The following KITLG variants were observed in gnomAD, a reference collection of about 807,000 sequenced individuals.
KITLG encodes the protein KIT ligand.
Under a neutral mutation model 34.1 loss-of-function variants are expected in KITLG, and 13 were observed. The ratio of observed to expected loss-of-function variants is 0.38; its 90% CI spans 0.25 to 0.61. KITLG has a LOEUF of 0.61. Among genes scored for constraint, KITLG ranks in the 20% least tolerant of loss-of-function variants. KITLG has a pLI of 0.60. For missense variants in KITLG, 292 were observed against 318.9 expected, an observed-to-expected ratio of 0.92 and a Z score of 0.64; for synonymous variants, 110 against 104.0, an observed-to-expected ratio of 1.06 and a Z score of -0.35.
intron 9 of KITLG, among the ~76,000 whole-genome samples, chr12:88,502,792 A>G (rs1030892724): frequency 2.0e-5 from 3 of 152,180 alleles, no homozygotes; most frequent in Non-Finnish European, 2.9e-5. Context: ...AAACCAAACA[A>G]CAGAGGACAT....
chr12:88,554,983 A>G (rs1436388269), intron 1 of KITLG, among the ~76,000 whole-genome samples: 1 of 152,192 alleles, frequency 6.6e-6, no homozygotes, highest in Non-Finnish European at 1.5e-5. Flanking sequence ...TTGTAAAGAT[A>G]CTCTTCTAAC....
At chr12:88,524,090 G>C (rs1566023224) in intron 3 of KITLG, among the ~76,000 whole-genome samples, 1 of 152,274 alleles carries the variant, frequency 6.6e-6, no homozygotes, top group East Asian at 1.9e-4. Flanking sequence ...AATTCACTTT[G>C]TGATTTCAGG....
chr12:88,567,107 C>G (rs1204729361), intron 1 of KITLG, among the ~76,000 whole-genome samples: 1 of 152,146 alleles, frequency 6.6e-6, no homozygotes, highest in Non-Finnish European at 1.5e-5. Flanking sequence ...CTACTACATT[C>G]TCCTTTAGGC....
chr12:88,506,524 T>TA (rs755003472), intron 7 of KITLG, 146 bp from the exon 8 acceptor site: 24 of 675,466 alleles, frequency 3.6e-5, no homozygotes, highest in Non-Finnish European at 6.1e-5. Context: ...ATCTTTGTAA[T>TA]AAAAAATTAT....
At chr12:88,545,604 A>C (rs1870692292) in intron 2 of KITLG, 148 bp downstream of exon 2, 2 of 606,100 alleles carry the variant, frequency 3.3e-6, no homozygotes, top group Non-Finnish European at 5.8e-6. Context: ...GCTTTCTATA[A>C]ACCCTTTATT....
At chr12:88,538,709 G>A (rs908851022) in intron 2 of KITLG, among the ~76,000 whole-genome samples, 37 of 152,052 alleles carry the variant, frequency 2.4e-4, no homozygotes, top group Non-Finnish European at 1.8e-4. Context: ...AAGTGGATAA[G>A]TAACCAAGGC....
intron 1 of KITLG, among the ~76,000 whole-genome samples, chr12:88,578,021 G>A (rs1412235973): frequency 5.3e-5 from 8 of 152,070 alleles, no homozygotes; most frequent in African/African-American, 1.9e-4. Context: ...ATTCTTCCCT[G>A]GTGAGGATAA....
At chr12:88,510,005 C>G (rs977340872) in intron 6 of KITLG, among the ~76,000 whole-genome samples, 1 of 152,132 alleles carries the variant, frequency 6.6e-6, no homozygotes, top group Non-Finnish European at 1.5e-5. Context: ...GGAGAGGAAG[C>G]TCATCTGGGC....
chr12:88,530,811 C>T (rs1030112592), intron 3 of KITLG, among the ~76,000 whole-genome samples: 2 of 152,112 alleles, frequency 1.3e-5, no homozygotes, highest in Non-Finnish European at 2.9e-5. Context: ...TGCTAAAATG[C>T]TTACTAATAA....
chr12:88,535,022 T>A (rs1246524251), intron 2 of KITLG, among the ~76,000 whole-genome samples: 5 of 152,120 alleles, frequency 3.3e-5, no homozygotes, highest in Non-Finnish European at 7.3e-5. Flanking sequence ...CACAAGCTGC[T>A]TAACAATCCA....
intron 3 of KITLG, 121 bp from the exon 4 acceptor site, chr12:88,518,988 G>A (rs934505366): frequency 4.7e-6 from 4 of 849,782 alleles, no homozygotes; most frequent in East Asian, 2.7e-5. Flanking sequence ...TCAGCCTCTC[G>A]AGTAGCTCAG....
intron 6 of KITLG, among the ~76,000 whole-genome samples, chr12:88,512,171 T>G (rs1184752939): frequency 6.6e-6 from 1 of 152,082 alleles, no homozygotes; most frequent in Admixed American, 6.6e-5. Context: ...ATAATGAGTA[T>G]GCAGATGGAA....
At chr12:88,542,803 T>C (rs1870569038) in intron 2 of KITLG, among the ~76,000 whole-genome samples, 1 of 152,130 alleles carries the variant, frequency 6.6e-6, no homozygotes, top group African/African-American at 2.4e-5. Flanking sequence ...GAGCTGTACC[T>C]TAAATAAGTC....
chr12:88,553,220 C>A (rs547300942), intron 1 of KITLG, among the ~76,000 whole-genome samples: 46 of 152,268 alleles, frequency 3.0e-4, no homozygotes, highest in Non-Finnish European at 2.5e-4. Flanking sequence ...CAACTGACTT[C>A]CAATTAAATG....
At chr12:88,531,518 TCTGATA>T (rs1419299210) in intron 3 of KITLG, among the ~76,000 whole-genome samples, 4 of 152,218 alleles carry the variant, frequency 2.6e-5, no homozygotes, top group African/African-American at 9.6e-5. Context: ...ATGTATGAAT[TCTGATA>T]CTGTGTAATG....
chr12:88,516,601 A>G (rs1041911925), intron 4 of KITLG, 111 bp from the exon 5 acceptor site: 4 of 678,474 alleles, frequency 5.9e-6, no homozygotes, highest in Non-Finnish European at 9.8e-6. Context: ...AGACTCTTAC[A>G]ACTAGCACTT....
Position 88,518,838 on chromosome 12 carries a change from T to C in KITLG, c.222A>G (p.Val74=), listed in dbSNP as rs1869553676. Residue 74 remains valine (V), a synonymous_variant, in exon 4 of 10, where the codon GTA becomes GTG. Transcript: ENST00000644744. ...LPSHCWISEM[V]VQLSDSLTDL... is the part of the protein sequence containing the mutation. ...CAGTCAAGCTGTCTGACAATTGTAC[T>C]ACCATCTCGCTTATCCAACAATGAC... The C allele has an allele frequency of 6.2e-7, 1 of 1,613,544 alleles. No individual in the cohort carries two copies. The highest frequency in any genetic ancestry group is 2.2e-5 in the East Asian group (1 of 44,802).
At chr12:88,549,948 A>G (rs1870839172) in intron 1 of KITLG, among the ~76,000 whole-genome samples, 1 of 152,176 alleles carries the variant, frequency 6.6e-6, no homozygotes, top group Non-Finnish European at 1.5e-5. Context: ...TAAGGAAAAT[A>G]GGGTCAAACT....
rs369083870 is a variant in KITLG at position 88,516,502 on chromosome 12, A to T, written c.364-12T>A. On this transcript the variant is annotated splice_polypyrimidine_tract_variant and intron_variant, in intron 4 of 9. Coordinates refer to ENST00000644744, the MANE Select transcript of KITLG (RefSeq NM_000899.5). ...GATTTTTTTAGATCCTAGAAGAAAA[A>T]ATAGGATTACATTTTTCAAATAGTC... is the stretch of plus-strand genomic sequence containing the variant. The T allele has an allele frequency of 6.3e-7, 1 of 1,577,640 alleles. No homozygotes were observed. Among genetic ancestry groups the T allele is most frequent in the African/African-American group, 1.4e-5 (1 of 73,488 alleles).
Sources: gnomAD v4.1 joint callset for allele counts (sites outside exome capture counted in the v4.1 genomes callset) on GRCh38, gnomAD v4.1.1 for gene constraint, MANE v1.5 for transcripts, NCBI Gene and HGNC (gene_info 2026-07-23, HGNC 2026-07-21) for gene names.